Variants in ZNF831 observed in about 807,000 individuals in gnomAD.
The protein encoded by ZNF831 is chromosome 20 open reading frame 174.
Under a neutral mutation model 95.8 loss-of-function variants are expected in ZNF831, and 59 were observed. That is an observed-to-expected ratio of 0.62 (90% CI 0.50 to 0.77). ZNF831 has a LOEUF of 0.77. ZNF831 is among the 30% of genes least tolerant of loss of function. The pLI, the probability that ZNF831 is intolerant of heterozygous loss-of-function variation, is 0.00. For missense variants in ZNF831, 2,205 were observed against 2,164.0 expected, an observed-to-expected ratio of 1.02 and a Z score of -0.38; for synonymous variants, 961 against 925.5, an observed-to-expected ratio of 1.04 and a Z score of -0.70.
rs2146549941 is a variant in ZNF831, at chr20:59,191,573, G to T, written c.554G>T (p.Ser185Ile). 6.2e-7 allele frequency: 1 copy of T among 1,612,220 alleles called. No individual in the cohort carries two copies. The highest frequency in any genetic ancestry group is 8.5e-7 in the Non-Finnish European group (1 of 1,179,416). ...TGCGGCATCGCCTTTAAGACCCAGAGCAATCTCTACAAGCACAGGCGGACG... is the reference window on the plus strand; with the variant it reads ...TGCGGCATCGCCTTTAAGACCCAGATCAATCTCTACAAGCACAGGCGGACG... ...ATCGIAFKTQ[S>I]NLYKHRRTQT... Residue 185 changes from serine (S) to isoleucine (I), a missense_variant, in exon 2 of 6, where the codon AGC becomes ATC. Ser to Ile is a moderately radical substitution (Grantham distance 142, BLOSUM62 -2). Coordinates refer to ENST00000371030, the MANE Select transcript of ZNF831 (RefSeq NM_178457.3).
chr20:59,213,115 T>G (rs1465111), intron 4 of ZNF831, among the ~76,000 whole-genome samples: 11,240 of 152,174 alleles, frequency 0.074, 707 homozygotes, highest in East Asian at 0.29. Context: ...AATATTTTTT[T>G]GGGGGTGGGA....
intron 1 of ZNF831, among the ~76,000 whole-genome samples, chr20:59,126,937 C>T (rs552854748): frequency 6.6e-6 from 1 of 152,112 alleles, no homozygotes; most frequent in Non-Finnish European, 1.5e-5. Context: ...TGGCTTTGAG[C>T]GCCTGTTGGA....
At chr20:59,151,301 C>T (rs1274990507) in intron 2 of ZNF831, among the ~76,000 whole-genome samples, 1 of 152,184 alleles carries the variant, frequency 6.6e-6, no homozygotes, top group African/African-American at 2.4e-5. Flanking sequence ...GGCTCCAGCA[C>T]CCATCTCTGG....
chr20:59,129,789 G>C (rs1411689939), intron 1 of ZNF831, among the ~76,000 whole-genome samples: 1 of 152,168 alleles, frequency 6.6e-6, no homozygotes, highest in Non-Finnish European at 1.5e-5. Flanking sequence ...TGACTCACAC[G>C]GTGTGCAGGA....
chr20:59,147,522 C>T (rs1979938526), intron 2 of ZNF831, among the ~76,000 whole-genome samples: 1 of 152,180 alleles, frequency 6.6e-6, no homozygotes, highest in African/African-American at 2.4e-5. Context: ...AATTGTTATA[C>T]TTTGTTTTTT....
chr20:59,152,821 A>G (rs902718154), intron 2 of ZNF831, among the ~76,000 whole-genome samples: 38 of 152,140 alleles, frequency 2.5e-4, no homozygotes, highest in Non-Finnish European at 1.2e-4. Context: ...GCAGGCAACC[A>G]GAAGTGGGGC....
At chr20:59,149,019 G>A (rs1980063178) in intron 2 of ZNF831, among the ~76,000 whole-genome samples, 1 of 152,232 alleles carries the variant, frequency 6.6e-6, no homozygotes, top group African/African-American at 2.4e-5. Flanking sequence ...AGAGCCAGGG[G>A]ATGGTGTCTC....
chr20:59,134,709 C>A (rs1475375316), intron 1 of ZNF831, among the ~76,000 whole-genome samples: 1 of 152,236 alleles, frequency 6.6e-6, no homozygotes, highest in Non-Finnish European at 1.5e-5. Flanking sequence ...CTGTTCCCAA[C>A]CTCTCTGTGC....
chr20:59,206,992 C>T lies in ZNF831; in HGVS notation c.3963C>T (p.His1321=), dbSNP rs374208044. The change falls in exon 4 of 6, where the codon CAC becomes CAT. Residue 1321 remains histidine, a synonymous_variant. Coordinates refer to ENST00000371030, the MANE Select transcript of ZNF831 (RefSeq NM_178457.3). ...CCTGGGTGCGAAGAAGAAGCCGCCA[C>T]CCTCCCGCACTTGAGGGACTGAAGC... The part of the protein sequence containing the change: ...TPTWVRRRSR[H]PPALEGLKPC... The T allele has an allele frequency of 3.7e-6, 6 of 1,614,224 alleles. No individual in the cohort carries two copies. In the African/African-American group the frequency reaches 4.0e-5, roughly 11 times the overall value.
chr20:59,207,145 G>A, intron 4 of ZNF831, 89 bp downstream of exon 4: 1 of 1,515,478 alleles, frequency 6.6e-7, no homozygotes. Flanking sequence ...ATGGGCAGGA[G>A]TCAGCCCCAA....
In ZNF831 at chr20:59,139,346, G is replaced by C. The variant is rs6026723; in HGVS notation, c.-1424-6885G>C. 8.9e-4 allele frequency among the ~76,000 whole-genome samples: 135 copies of C among 152,188 alleles called. 1 individual carries two copies. Among genetic ancestry groups the C allele is most frequent in the African/African-American group, 3.0e-3 (126 of 41,504 alleles). ...CCACTTACTGTATTTCATTATCTCT[G>C]AGATGGAAACTTGAAATAAAAATAA... On this transcript the variant is annotated intron_variant, in intron 1 of 7. Coordinates refer to the ZNF831 transcript ENST00000637017.
intron 4 of ZNF831, among the ~76,000 whole-genome samples, chr20:59,227,791 A>T (rs1252855896): frequency 1.3e-5 from 2 of 152,122 alleles, no homozygotes; most frequent in Admixed American, 1.3e-4. Flanking sequence ...AGTCACTATT[A>T]TGGGCCCATT....
chr20:59,127,988 T>G lies in ZNF831; in HGVS notation c.-1425+4483T>G, dbSNP rs573872740. The stretch of plus-strand genomic sequence containing the variant: ...TGTAGCCAGCCTGGCACTGGCTGGA[T>G]GCTGGGCTGCCTATCCTGGGGGCCG... On this transcript the variant is annotated intron_variant, in intron 1 of 7. Coordinates refer to the ZNF831 transcript ENST00000637017. Among the ~76,000 whole-genome samples the G allele has an allele frequency of 3.7e-4, 57 of 152,342 alleles. 2 individuals carry two copies. The South Asian group carries it at 0.011, about 30-fold the overall frequency.
chr20:59,141,838 A>T (rs1005392731), intron 1 of ZNF831, among the ~76,000 whole-genome samples: 6 of 152,380 alleles, frequency 3.9e-5, no homozygotes, highest in African/African-American at 1.4e-4. Flanking sequence ...TAAAATAAAA[A>T]TATAACAATT....
intron 4 of ZNF831, among the ~76,000 whole-genome samples, chr20:59,237,238 G>C (rs1335369921): frequency 2.6e-5 from 4 of 152,192 alleles, no homozygotes; most frequent in Non-Finnish European, 2.9e-5. Context: ...TTTCAAAGTA[G>C]ATTTTTAGAA....
At chr20:59,220,797 T>C in intron 4 of ZNF831, among the ~76,000 whole-genome samples, 1 of 152,294 alleles carries the variant, frequency 6.6e-6, no homozygotes, top group East Asian at 1.9e-4. Context: ...ACGTTTCCCT[T>C]TCTCTCTCAG....
chr20:59,166,372 G>T (rs1384423303), intron 1 of ZNF831, among the ~76,000 whole-genome samples: 1 of 152,106 alleles, frequency 6.6e-6, no homozygotes, highest in African/African-American at 2.4e-5. Flanking sequence ...TAGCCTCTTT[G>T]TTTTGAGAAC....
At chr20:59,251,015 G>T (rs1987860571) in intron 4 of ZNF831, among the ~76,000 whole-genome samples, 1 of 152,184 alleles carries the variant, frequency 6.6e-6, no homozygotes, top group Admixed American at 6.5e-5. Context: ...TATAGTTAAT[G>T]ACAATGTTTT....
In ZNF831 at chr20:59,236,127, T is replaced by C. The variant is rs569387906; in HGVS notation, c.4028-16851T>C. On this transcript the variant is annotated intron_variant, in intron 4 of 5. Coordinates refer to ENST00000371030, the MANE Select transcript of ZNF831 (RefSeq NM_178457.3). ...AAGTGTGTCTGACATCCTCGTAAAT[T>C]CATTCTTCCTTCCTGTTCTGTTCGA... is the stretch of plus-strand genomic sequence containing the variant. Among the ~76,000 whole-genome samples, 29 of 152,196 alleles carry C rather than the reference T, an allele frequency of 1.9e-4. 1 individual carries two copies. The highest frequency in any genetic ancestry group is 1.6e-3 in the Admixed American group (24 of 15,282).
Sources: allele counts gnomAD v4.1 joint callset (sites outside exome capture counted in the v4.1 genomes callset), GRCh38; gene constraint gnomAD v4.1.1; transcripts MANE v1.5; gene names NCBI Gene and HGNC (gene_info 2026-07-23, HGNC 2026-07-21).